Variants in PTDSS1 observed in about 807,000 individuals in gnomAD.
PTDSS1 encodes phosphatidylserine synthase 1, also known as PSS-1.
Under a neutral mutation model 70.5 loss-of-function variants are expected in PTDSS1, and 45 were observed. The observed-to-expected ratio is 0.64, with a 90% CI of 0.50 to 0.82. The LOEUF is 0.82. Ranked by LOEUF, PTDSS1 falls within the 40% of genes least tolerant of loss-of-function variation. The pLI is 0.00. For missense variants in PTDSS1, 417 were observed against 586.1 expected (o/e 0.71, Z 2.98); for synonymous variants, 188 against 203.8 (o/e 0.92, Z 0.66).
chr8:96,265,372 C>A (rs1810471612), intron 1 of PTDSS1, among the ~76,000 whole-genome samples: 1 of 152,148 alleles, frequency 6.6e-6, no homozygotes, highest in Non-Finnish European at 1.5e-5. Context: ...GATTAGATAC[C>A]TTGCACTGAA....
intron 1 of PTDSS1, among the ~76,000 whole-genome samples, chr8:96,265,444 CCT>C (rs1320655103): frequency 1.3e-5 from 2 of 152,098 alleles, no homozygotes; most frequent in Admixed American, 1.3e-4. Flanking sequence ...AGGTCAATTC[CCT>C]GTTAAACCAT....
intron 9 of PTDSS1, among the ~76,000 whole-genome samples, chr8:96,315,317 G>T (rs1034483177): frequency 6.6e-6 from 1 of 152,226 alleles, no homozygotes; most frequent in Non-Finnish European, 1.5e-5. Flanking sequence ...GGGATTGCTT[G>T]TGCAGCCATG....
At chr8:96,300,906 CCAA>C (rs1416787158) in intron 6 of PTDSS1, among the ~76,000 whole-genome samples, 1 of 151,926 alleles carries the variant, frequency 6.6e-6, no homozygotes, top group Non-Finnish European at 1.5e-5. Flanking sequence ...ATAGAGTGTA[CCAA>C]TTTGTAATCT....
chr8:96,274,654 G>A (rs966136385), intron 2 of PTDSS1, among the ~76,000 whole-genome samples: 1 of 152,212 alleles, frequency 6.6e-6, no homozygotes, highest in African/African-American at 2.4e-5. Flanking sequence ...GAACCCGGGA[G>A]GCGGAGGTTG....
chr8:96,281,107 G>T (rs1810729197), intron 2 of PTDSS1, among the ~76,000 whole-genome samples: 1 of 152,150 alleles, frequency 6.6e-6, no homozygotes, highest in Non-Finnish European at 1.5e-5. Context: ...GACTGGAGTA[G>T]CCAGGTGCAA....
intron 1 of PTDSS1, among the ~76,000 whole-genome samples, chr8:96,263,403 GC>G (rs151117059): frequency 0.057 from 8,749 of 152,194 alleles, 746 homozygotes; most frequent in African/African-American, 0.19. Flanking sequence ...TAGTTTTTGA[GC>G]CACACTTTTG....
At position 96,333,761 on chromosome 8, in the gene PTDSS1, G is replaced by A. The variant is rs1314640816; in HGVS notation, c.*195G>A. 1 of 713,846 alleles carries A rather than the reference G, an allele frequency of 1.4e-6. No individual in the cohort carries two copies. The highest frequency in any genetic ancestry group is 1.5e-5 in the South Asian group (1 of 67,568). The allele number at this position is 713,846 out of a possible 1,614,324, so 44.2% of individuals were successfully genotyped here. A position where few individuals can be genotyped will look rare whatever the true frequency, so the allele number is the denominator to read the frequency against. On this transcript the variant is annotated 3_prime_UTR_variant, in exon 13 of 13. Transcript: ENST00000517309. Reference sequence around the variant, plus strand: ...CCGCGTCAGGCAGATCATCGCCTGGGGGGCCTTTGCCAACGTGGGGTCTCT... The same window carrying A: ...CCGCGTCAGGCAGATCATCGCCTGGAGGGCCTTTGCCAACGTGGGGTCTCT...
chr8:96,265,456 T>C (rs917412574), intron 1 of PTDSS1, among the ~76,000 whole-genome samples: 9 of 152,200 alleles, frequency 5.9e-5, no homozygotes, highest in African/African-American at 1.7e-4. Context: ...TGTTAAACCA[T>C]AGTATTTAAA....
At chr8:96,273,199 C>G in intron 1 of PTDSS1, 100 bp from the exon 2 acceptor site, 1 of 738,806 alleles carries the variant, frequency 1.4e-6, no homozygotes, top group African/African-American at 1.8e-5. Flanking sequence ...TGTCATACAT[C>G]TGGCAGTCCC....
At chr8:96,315,320 C>T (rs958902256) in intron 9 of PTDSS1, among the ~76,000 whole-genome samples, 1 of 152,210 alleles carries the variant, frequency 6.6e-6, no homozygotes, top group Non-Finnish European at 1.5e-5. Context: ...ATTGCTTGTG[C>T]AGCCATGGAG....
intron 9 of PTDSS1, among the ~76,000 whole-genome samples, chr8:96,310,093 C>T (rs1811186362): frequency 6.6e-6 from 1 of 151,628 alleles, no homozygotes; most frequent in Non-Finnish European, 1.5e-5. Context: ...CACGCCACTG[C>T]ACTGCACTCC....
In PTDSS1 at chr8:96,307,143, A is replaced by ATGCAC. The variant is rs568357607; in HGVS notation, c.1007+587_1007+588insTGCAC. ...CCCTCAAGTAGACTGGGCCCAGTGC[A>ATGCAC]GTTCAAAGCAAGCATTTTCATTTGT... is the stretch of plus-strand genomic sequence containing the variant. On this transcript the variant is annotated intron_variant, in intron 8 of 12. Coordinates refer to ENST00000517309, the MANE Select transcript of PTDSS1 (RefSeq NM_014754.3). 1.0e-3 allele frequency among the ~76,000 whole-genome samples: 153 copies of ATGCAC among 152,304 alleles called. 1 individual carries two copies. Among genetic ancestry groups the ATGCAC allele is most frequent in the African/African-American group, 3.6e-3 (148 of 41,572 alleles).
intron 10 of PTDSS1, among the ~76,000 whole-genome samples, chr8:96,322,169 C>T (rs1232044483): frequency 6.6e-6 from 1 of 152,186 alleles, no homozygotes; most frequent in African/African-American, 2.4e-5. Context: ...TGCCTCCCCA[C>T]CACTGCCCCC....
intron 10 of PTDSS1, among the ~76,000 whole-genome samples, chr8:96,326,398 A>C (rs1811438712): frequency 6.6e-6 from 1 of 151,870 alleles, no homozygotes; most frequent in Non-Finnish European, 1.5e-5. Flanking sequence ...TCCACACTGC[A>C]CTCCTTGCTC....
chr8:96,288,280 C>A (rs536199964), intron 4 of PTDSS1, among the ~76,000 whole-genome samples: 1 of 152,228 alleles, frequency 6.6e-6, no homozygotes, highest in African/African-American at 2.4e-5. Flanking sequence ...AACCTGGAAA[C>A]TCTGAACCCC....
In PTDSS1 at chr8:96,336,158, G is replaced by A. The variant is rs938815949; in HGVS notation, c.*2592G>A. 4.5e-4 allele frequency: 69 copies of A among 152,042 alleles called. 5 individuals are homozygous for A. Among genetic ancestry groups the A allele is most frequent in the African/African-American group, 1.6e-3 (66 of 41,354 alleles). 9.4% of individuals were successfully genotyped at this position (152,042 alleles called of 1,614,324 possible). A position where few individuals can be genotyped will look rare whatever the true frequency, so the allele number is the denominator to read the frequency against. On this transcript the variant is annotated 3_prime_UTR_variant, in exon 13 of 13. Coordinates refer to ENST00000517309, the MANE Select transcript of PTDSS1 (RefSeq NM_014754.3). ...TCATGGACCTGTTAAGCATTTTGATGATACAAGACATCCTATCAATGCCAG... is the reference window on the plus strand; with the variant it reads ...TCATGGACCTGTTAAGCATTTTGATAATACAAGACATCCTATCAATGCCAG...
At position 96,304,127 on chromosome 8, in the gene PTDSS1, C is replaced by T. The variant is rs144920604; in HGVS notation, c.840C>T (p.Pro280=). 2 of 1,613,796 alleles carry T rather than the reference C, an allele frequency of 1.2e-6. No individual in the cohort carries two copies. The highest frequency in any genetic ancestry group is 2.7e-5 in the African/African-American group (2 of 74,856). The part of the protein sequence containing the change: ...ASWTYVRWFD[P]KSSFQRVAGV... ...GGACCTATGTTCGATGGTTTGACCC[C>T]AAATCTTCTTTTCAGAGAGTAGCTG... The change falls in exon 7 of 13, where the codon CCC becomes CCT. Residue 280 remains proline, a synonymous_variant. Coordinates refer to ENST00000517309, the MANE Select transcript of PTDSS1 (RefSeq NM_014754.3).
At chr8:96,315,584 A>G (rs1811276479) in intron 9 of PTDSS1, among the ~76,000 whole-genome samples, 1 of 152,098 alleles carries the variant, frequency 6.6e-6, no homozygotes, top group Non-Finnish European at 1.5e-5. Context: ...CTACATTAAC[A>G]TCATCTTTTT....
chr8:96,278,916 A>G (rs1810689354), intron 2 of PTDSS1, among the ~76,000 whole-genome samples: 1 of 152,062 alleles, frequency 6.6e-6, no homozygotes, highest in African/African-American at 2.4e-5. Flanking sequence ...AAGTTCACAG[A>G]ACAAGACCTC....
Sources: gnomAD v4.1 joint callset for allele counts (sites outside exome capture counted in the v4.1 genomes callset) on GRCh38, gnomAD v4.1.1 for gene constraint, MANE v1.5 for transcripts, NCBI Gene and HGNC (gene_info 2026-07-23, HGNC 2026-07-21) for gene names.